Variants in C13orf42 observed in about 807,000 individuals in gnomAD.
C13orf42 encodes the protein chromosome 13 open reading frame 42.
At chr13:51,094,413 C>T (rs1953212549) in intron 1 of C13orf42, among the ~76,000 whole-genome samples, 1 of 152,184 alleles carries the variant, frequency 6.6e-6, no homozygotes, top group Non-Finnish European at 1.5e-5. Context: ...CACGGTTCCT[C>T]TTCCCACACT....
rs1593524641 is a variant in C13orf42 at position 51,082,497 on chromosome 13, T to A, written c.*1654A>T. 1 of 152,230 alleles carries A rather than the reference T, an allele frequency of 6.6e-6. No homozygotes were observed. The highest frequency in any genetic ancestry group is 1.5e-5 in the Non-Finnish European group (1 of 68,032). 9.4% of individuals were successfully genotyped at this position (152,230 alleles called of 1,614,324 possible). On this transcript the variant is annotated 3_prime_UTR_variant, in exon 4 of 4. Coordinates refer to ENST00000563710, the MANE Select transcript of C13orf42 (RefSeq NM_001351589.3). ...ACCACATAATTTCAGGGTGGATCTA[T>A]GATAAACTGTAGTTTGATAAGAGGC...
intron 1 of C13orf42, among the ~76,000 whole-genome samples, chr13:51,151,999 G>C (rs1457093438): frequency 6.6e-6 from 1 of 152,178 alleles, no homozygotes; most frequent in African/African-American, 2.4e-5. Flanking sequence ...GCCCAGCCCA[G>C]CCCTACCAGG....
intron 1 of C13orf42, among the ~76,000 whole-genome samples, chr13:51,108,338 G>A (rs1953384833): frequency 6.6e-6 from 1 of 152,182 alleles, no homozygotes. Flanking sequence ...AAAGAATGGT[G>A]TTTTCCCTAA....
At chr13:51,093,865 T>G (rs575867068) in intron 1 of C13orf42, among the ~76,000 whole-genome samples, 1 of 152,306 alleles carries the variant, frequency 6.6e-6, no homozygotes, top group African/African-American at 2.4e-5. Context: ...CATAGTCTGT[T>G]TAGGAATGGC....
chr13:51,142,345 G>A (rs1953701594), intron 1 of C13orf42, among the ~76,000 whole-genome samples: 1 of 152,164 alleles, frequency 6.6e-6, no homozygotes, highest in South Asian at 2.1e-4. Context: ...CCAATTAGGT[G>A]AAATCTTTTT....
chr13:51,144,384 C>T (rs951553462), intron 1 of C13orf42, among the ~76,000 whole-genome samples: 1 of 152,172 alleles, frequency 6.6e-6, no homozygotes, highest in Non-Finnish European at 1.5e-5. Context: ...ATTTAGTGTA[C>T]TCTTATGAAC....
At chr13:51,098,128 T>C (rs947329682) in intron 1 of C13orf42, among the ~76,000 whole-genome samples, 4 of 152,176 alleles carry the variant, frequency 2.6e-5, no homozygotes, top group African/African-American at 9.7e-5. Context: ...GTTTCTAATT[T>C]TATATTATTT....
intron 1 of C13orf42, among the ~76,000 whole-genome samples, chr13:51,161,174 T>C (rs113303500): frequency 0.019 from 2,069 of 107,574 alleles, 64 homozygotes; most frequent in African/African-American, 0.055. Flanking sequence ...TTCAAAGAAA[T>C]AACAACTTCA....
chr13:51,122,401 G>A (rs1290986352), intron 1 of C13orf42, among the ~76,000 whole-genome samples: 3 of 151,920 alleles, frequency 2.0e-5, no homozygotes, highest in Non-Finnish European at 4.4e-5. Context: ...AGGTATCATG[G>A]TGCATGCCTG....
intron 1 of C13orf42, among the ~76,000 whole-genome samples, chr13:51,134,737 T>C (rs1953644414): frequency 6.6e-6 from 1 of 152,184 alleles, no homozygotes; most frequent in African/African-American, 2.4e-5. Context: ...TTTGCCTCCC[T>C]TTTCTTATGA....
chr13:51,166,536 A>G (rs1389565557), intron 1 of C13orf42, among the ~76,000 whole-genome samples: 1 of 149,182 alleles, frequency 6.7e-6, no homozygotes, highest in Admixed American at 6.7e-5. Context: ...TGGCACATGT[A>G]TACATATGTA....
At chr13:51,144,185 C>T (rs576058697) in intron 1 of C13orf42, among the ~76,000 whole-genome samples, 2 of 152,136 alleles carry the variant, frequency 1.3e-5, no homozygotes, top group South Asian at 4.1e-4. Flanking sequence ...GAGACTGTGA[C>T]ATCAGAACAG....
chr13:51,151,000 T>G (rs770465727), intron 1 of C13orf42, among the ~76,000 whole-genome samples: 43 of 152,168 alleles, frequency 2.8e-4, no homozygotes, highest in Non-Finnish European at 4.6e-4. Flanking sequence ...AGAACCCCCC[T>G]GGCCTGAGCT....
intron 1 of C13orf42, among the ~76,000 whole-genome samples, chr13:51,094,071 A>G (rs532183829): frequency 4.7e-4 from 72 of 152,310 alleles, no homozygotes; most frequent in African/African-American, 1.7e-3. Flanking sequence ...TTTGACAGCA[A>G]GAACTCTTTC....
intron 1 of C13orf42, among the ~76,000 whole-genome samples, chr13:51,130,803 G>A (rs1953610666): frequency 6.6e-6 from 1 of 151,480 alleles, no homozygotes; most frequent in East Asian, 1.9e-4. Context: ...GACTACTAAA[G>A]AAACAGTTCT....
At chr13:51,108,020 C>T (rs1017374795) in intron 1 of C13orf42, among the ~76,000 whole-genome samples, 1 of 152,182 alleles carries the variant, frequency 6.6e-6, no homozygotes, top group African/African-American at 2.4e-5. Flanking sequence ...TCCGCAGGGC[C>T]ATGCTCCCTC....
chr13:51,115,165 G>T (rs900406462), upstream of C13orf42, among the ~76,000 whole-genome samples: 6 of 152,102 alleles, frequency 3.9e-5, no homozygotes, highest in Admixed American at 3.9e-4. Flanking sequence ...TATTATTCCA[G>T]GTAAATATTT....
intron 1 of C13orf42, among the ~76,000 whole-genome samples, chr13:51,124,441 G>T (rs142487751): frequency 2.6e-5 from 4 of 152,176 alleles, no homozygotes; most frequent in Admixed American, 2.6e-4. Context: ...ACATAATGAG[G>T]AGGTAAATGT....
chr13:51,127,728 T>C (rs990016906), intron 1 of C13orf42, among the ~76,000 whole-genome samples: 4 of 152,214 alleles, frequency 2.6e-5, no homozygotes, highest in Admixed American at 2.6e-4. Context: ...TAAAAAACTA[T>C]ACGTATTGAA....
Sources: gnomAD v4.1 joint callset for allele counts (sites outside exome capture counted in the v4.1 genomes callset) on GRCh38, gnomAD v4.1.1 for gene constraint, MANE v1.5 for transcripts, NCBI Gene and HGNC (gene_info 2026-07-23, HGNC 2026-07-21) for gene names.